GGCX: variants seen among roughly 807,000 people sequenced by gnomAD.
GGCX encodes vitamin K-dependent gamma-carboxylase.
A neutral mutation model predicts 88.5 loss-of-function variants in GGCX; 63 were observed. The ratio of observed to expected loss-of-function variants is 0.71; its 90% CI spans 0.58 to 0.88. The LOEUF (loss-of-function observed/expected upper bound fraction) is 0.88, where lower values mean the gene tolerates loss of function less well. Ranked by LOEUF, GGCX falls within the 40% of genes least tolerant of loss-of-function variation. GGCX has a pLI of 0.00. For synonymous variants in GGCX, 368 were observed against 365.8 expected, an observed-to-expected ratio of 1.01 and a Z score of -0.07; for missense variants, 805 against 932.9, an observed-to-expected ratio of 0.86 and a Z score of 1.79.
Position 85,544,938 on chromosome 2 carries a change from ATTTT to A in GGCX, c.*4992_*4995del, listed in dbSNP as rs886056355. ...CACCTCAGATGGCAGCTTTTAAAAG[ATTTT>A]TTTTTTTTCTCTCAACACCATGATT... On this transcript the variant is annotated 3_prime_UTR_variant, in exon 15 of 15. Transcript: ENST00000233838. 2 of 147,634 alleles carry A rather than the reference ATTTT, an allele frequency of 1.4e-5. No individual in the cohort carries two copies. The highest frequency in any genetic ancestry group is 5.0e-5 in the African/African-American group (2 of 40,306). The allele number at this position is 147,634 out of a possible 1,614,324, so 9.1% of individuals were successfully genotyped here. A position where few individuals can be genotyped will look rare whatever the true frequency, so the allele number is the denominator to read the frequency against.
At position 85,547,372 on chromosome 2, in the gene GGCX, TC is replaced by T. The variant is rs1167750506; in HGVS notation, c.*2561del. 6.6e-6 allele frequency: 1 copy of T among 152,192 alleles called. No homozygotes were observed. The highest frequency in any genetic ancestry group is 1.5e-5 in the Non-Finnish European group (1 of 68,028). 9.4% of individuals were successfully genotyped at this position (152,192 alleles called of 1,614,324 possible). A position where few individuals can be genotyped will look rare whatever the true frequency, so the allele number is the denominator to read the frequency against. Reference sequence around the variant, plus strand: ...AGAATGGCTACAGTTGCAACCCAACTCTACCCCACTGAACAGCTTTTATTAC... The same window carrying T: ...AGAATGGCTACAGTTGCAACCCAACTTACCCCACTGAACAGCTTTTATTAC... On this transcript the variant is annotated 3_prime_UTR_variant, in exon 15 of 15. Coordinates refer to ENST00000233838, the MANE Select transcript of GGCX (RefSeq NM_000821.7).
chr2:85,558,422 G>T lies in GGCX; in HGVS notation c.539+18C>A. The stretch of plus-strand genomic sequence containing the variant: ...CTGACCCAGCCAACCCCTCCCCTTT[G>T]TCCCCCCTGACTCATACCAGTAGTG... On this transcript the variant is annotated intron_variant, in intron 4 of 14. Coordinates refer to ENST00000233838, the MANE Select transcript of GGCX (RefSeq NM_000821.7). The T allele has an allele frequency of 6.2e-7, 1 of 1,609,606 alleles. No individual in the cohort carries two copies. Among genetic ancestry groups the T allele is most frequent in the South Asian group, 1.1e-5 (1 of 90,980 alleles).
At position 85,547,632 on chromosome 2, in the gene GGCX, T is replaced by G. The variant is rs1470212265; in HGVS notation, c.*2302A>C. On this transcript the variant is annotated 3_prime_UTR_variant, in exon 15 of 15. Transcript: ENST00000233838. ...AACATAGTGGCAAAGTATCTTCTAT[T>G]GTGTTACTATGAGAGAAGATCTGCA... The G allele has an allele frequency of 6.6e-6, 1 of 152,226 alleles. No homozygotes were observed. The allele number at this position is 152,226 out of a possible 1,614,324, so 9.4% of individuals were successfully genotyped here. A position where few individuals can be genotyped will look rare whatever the true frequency, so the allele number is the denominator to read the frequency against.
rs772336725 is a variant in GGCX at position 85,550,101 on chromosome 2, G to A, written c.2110C>T (p.Arg704Ter). The part of the protein sequence containing the change: ...RSFLMTCISL[R>*]NLILGRPSLE... ...GAAGGACGGCCTAATATCAGATTTCGAAGTGAGATACAAGTCATCAGGAAG... is the reference window on the plus strand; with the variant it reads ...GAAGGACGGCCTAATATCAGATTTCAAAGTGAGATACAAGTCATCAGGAAG... Residue 704 changes from arginine to a stop codon, truncating the protein, a stop_gained, in exon 15 of 15, where the codon CGA becomes TGA. Coordinates refer to ENST00000233838, the MANE Select transcript of GGCX (RefSeq NM_000821.7). LOFTEE classifies it high-confidence loss of function. 1.4e-5 allele frequency: 23 copies of A among 1,613,468 alleles called. No homozygotes were observed. Among genetic ancestry groups the A allele is most frequent in the African/African-American group, 4.0e-5 (3 of 74,888 alleles).
At position 85,546,091 on chromosome 2, in the gene GGCX, T is replaced by C. The variant is rs953721814; in HGVS notation, c.*3843A>G. ...AAATGTAGAGCCAAGGAGTGCTTGC[T>C]TATGCCTGTTTGCATGGAGACTTAA... is the stretch of plus-strand genomic sequence containing the variant. On this transcript the variant is annotated 3_prime_UTR_variant, in exon 15 of 15. Transcript: ENST00000233838. The C allele has an allele frequency of 1.3e-5, 2 of 152,224 alleles. No homozygotes were observed. Among genetic ancestry groups the C allele is most frequent in the Non-Finnish European group, 2.9e-5 (2 of 68,054 alleles). 9.4% of individuals were successfully genotyped at this position (152,224 alleles called of 1,614,324 possible). A position where few individuals can be genotyped will look rare whatever the true frequency, so the allele number is the denominator to read the frequency against.
chr2:85,550,339 C>G (rs879709337), intron 14 of GGCX, among the ~76,000 whole-genome samples: 5 of 152,120 alleles, frequency 3.3e-5, no homozygotes, highest in East Asian at 1.9e-4. Flanking sequence ...GAACAGCCCA[C>G]AGAGAGGCTG....
chr2:85,548,483 C>T lies in GGCX; in HGVS notation c.*1451G>A, dbSNP rs1691777258. The T allele has an allele frequency of 6.6e-6, 1 of 152,170 alleles. No homozygotes were observed. The highest frequency in any genetic ancestry group is 2.1e-4 in the South Asian group (1 of 4,832). The allele number at this position is 152,170 out of a possible 1,614,324, so 9.4% of individuals were successfully genotyped here. The stretch of plus-strand genomic sequence containing the variant: ...AAAGAAACCTAGCATCGTTGGAAAT[C>T]CTGGAGTAGACACAATCATCTGAAG... On this transcript the variant is annotated 3_prime_UTR_variant, in exon 15 of 15. Transcript: ENST00000233838.
chr2:85,553,285 G>C lies in GGCX; in HGVS notation c.1102C>G (p.Leu368Val), dbSNP rs763684006. 2 of 1,614,138 alleles carry C rather than the reference G, an allele frequency of 1.2e-6. No individual in the cohort carries two copies. The highest frequency in any genetic ancestry group is 2.7e-5 in the African/African-American group (2 of 74,956). ...AATAGCTGCTCCAGGAGGTAGAGCA[G>C]GGTGAAGGCAGCTCCCAGCTGATGG... ...LRHQLGAAFTLLYLLEQLFLP... is the reference protein window; with the variant it reads ...LRHQLGAAFTVLYLLEQLFLP... The change falls in exon 8 of 15, where the codon CTG becomes GTG. Residue 368 changes from leucine (L) to valine (V), a missense_variant. Leu to Val is a conservative substitution (Grantham distance 32). Coordinates refer to ENST00000233838, the MANE Select transcript of GGCX (RefSeq NM_000821.7).
intron 1 of GGCX, 59 bp downstream of exon 1, chr2:85,561,326 GC>G: frequency 2.6e-6 from 1 of 387,172 alleles, no homozygotes; most frequent in Non-Finnish European, 4.0e-6. Flanking sequence ...TCCCGCCCCC[GC>G]CCCTCTGAGA....
At chr2:85,557,261 A>G (rs1692240552) in intron 4 of GGCX, among the ~76,000 whole-genome samples, 1 of 152,248 alleles carries the variant, frequency 6.6e-6, no homozygotes, top group Non-Finnish European at 1.5e-5. Flanking sequence ...TTCAAAATGC[A>G]TAAAGTCATA....
Position 85,549,811 on chromosome 2 carries a change from A to C in GGCX, c.*123T>G. ...TAATCTCGGAGTTAAAAACAGCTTT[A>C]GAACCCCGCCCCCCCAAAAAAAAAA... On this transcript the variant is annotated 3_prime_UTR_variant, in exon 15 of 15. Transcript: ENST00000233838. 2 of 670,248 alleles carry C rather than the reference A, an allele frequency of 3.0e-6. No individual in the cohort carries two copies. Among genetic ancestry groups the C allele is most frequent in the Non-Finnish European group, 2.6e-6 (1 of 380,834 alleles). 41.5% of individuals were successfully genotyped at this position (670,248 alleles called of 1,614,324 possible).
chr2:85,559,091 GGGA>G lies in GGCX; in HGVS notation c.215-19_215-17del. 5.6e-6 allele frequency: 9 copies of G among 1,612,970 alleles called. No individual in the cohort carries two copies. Among genetic ancestry groups the G allele is most frequent in the Non-Finnish European group, 7.6e-6 (9 of 1,178,978 alleles). On this transcript the variant is annotated splice_polypyrimidine_tract_variant and intron_variant, in intron 2 of 14. Transcript: ENST00000233838. ...ATCAAGAACCCTAAGAAGGCAATAG[GGGA>G]GTTGGTCATTGGGCCTCAGCTAAGG...
Position 85,553,014 on chromosome 2 carries a change from G to A in GGCX, c.1212C>T (p.His404=). The A allele has an allele frequency of 6.2e-7, 1 of 1,614,056 alleles. No homozygotes were observed. Among genetic ancestry groups the A allele is most frequent in the Non-Finnish European group, 8.5e-7 (1 of 1,179,882 alleles). ...LYGYSWDMMV[H]SRSHQHVKIT... ...TCTTCACGTGCTGGTGGGAGCGGGA[G>A]TGCACCATCATGTCCCAGGAATAGC... Residue 404 remains histidine (H), a synonymous_variant, in exon 9 of 15, where the codon CAC becomes CAT. Coordinates refer to ENST00000233838, the MANE Select transcript of GGCX (RefSeq NM_000821.7).
intron 6 of GGCX, chr2:85,555,175 C>G (rs758177998): frequency 9.1e-6 from 3 of 328,670 alleles, no homozygotes; most frequent in Non-Finnish European, 1.8e-5. Flanking sequence ...GGCAAGGACA[C>G]AGGCACCATC....
At chr2:85,551,235 C>T (rs1691937432) in intron 12 of GGCX, among the ~76,000 whole-genome samples, 163 bp from the exon 13 acceptor site, 2 of 152,186 alleles carry the variant, frequency 1.3e-5, no homozygotes, top group Non-Finnish European at 2.9e-5. Flanking sequence ...GTCCCAGGGG[C>T]CCTTGTTTTT....
intron 6 of GGCX, chr2:85,555,214 CTCACCAAGTCAGCCAGTTCCGGCTCTT>C (rs1692158424): frequency 2.7e-6 from 1 of 373,644 alleles, no homozygotes. Context: ...CACTGGCTCA[CTCACCAAGTCAGCCAGTTCCGGCTCTT>C]TCCTTTCCTT....
In GGCX at chr2:85,549,169, CT is replaced by C. The variant is rs1357973968; in HGVS notation, c.*764del. The C allele has an allele frequency of 6.6e-6, 1 of 152,222 alleles. No individual in the cohort carries two copies. The highest frequency in any genetic ancestry group is 1.5e-5 in the Non-Finnish European group (1 of 68,064). 9.4% of individuals were successfully genotyped at this position (152,222 alleles called of 1,614,324 possible). ...AATTACAAGTGGCAGGGTGCAGGAC[CT>C]TAAGTCAAATAGACGTTAAGTTCAA... On this transcript the variant is annotated 3_prime_UTR_variant, in exon 15 of 15. Coordinates refer to ENST00000233838, the MANE Select transcript of GGCX (RefSeq NM_000821.7).
rs767489176 is a variant in GGCX, at chr2:85,545,803, T to TA, written c.*4130dup. Reference sequence around the variant, plus strand: ...TATTAATCTGCATACATTTTTAAATTATGAGCTTAGTTTTAAGGGTTGTAT... The same window carrying TA: ...TATTAATCTGCATACATTTTTAAATTAATGAGCTTAGTTTTAAGGGTTGTAT... On this transcript the variant is annotated 3_prime_UTR_variant, in exon 15 of 15. Coordinates refer to ENST00000233838, the MANE Select transcript of GGCX (RefSeq NM_000821.7). 24 of 152,326 alleles carry TA rather than the reference T, an allele frequency of 1.6e-4. No homozygotes were observed. The highest frequency in any genetic ancestry group is 6.8e-3 in the Middle Eastern group (2 of 294). The allele number at this position is 152,326 out of a possible 1,614,324, so 9.4% of individuals were successfully genotyped here.
chr2:85,561,487 A>T lies in GGCX; in HGVS notation c.-59T>A. On this transcript the variant is annotated 5_prime_UTR_variant, in exon 1 of 15. Coordinates refer to ENST00000233838, the MANE Select transcript of GGCX (RefSeq NM_000821.7). Reference sequence around the variant, plus strand: ...CCGCGTCTGAACGGAGGCCGCCAGGAGAATTTGCTTCCCTAGGCTCCGCCT... The same window carrying T: ...CCGCGTCTGAACGGAGGCCGCCAGGTGAATTTGCTTCCCTAGGCTCCGCCT... 7.6e-7 allele frequency: 1 copy of T among 1,307,294 alleles called. No homozygotes were observed. Among genetic ancestry groups the T allele is most frequent in the South Asian group, 1.3e-5 (1 of 78,844 alleles). 81.0% of individuals were successfully genotyped at this position (1,307,294 alleles called of 1,614,324 possible).
Sources: allele counts gnomAD v4.1 joint callset (sites outside exome capture counted in the v4.1 genomes callset), GRCh38; gene constraint gnomAD v4.1.1; transcripts MANE v1.5; gene names NCBI Gene and HGNC (gene_info 2026-07-23, HGNC 2026-07-21).